Variants in EDIL3 observed in about 807,000 individuals in gnomAD.
The protein encoded by EDIL3 is EGF-like repeat and discoidin I-like domain-containing protein 3.
Under a neutral mutation model 67.4 loss-of-function variants are expected in EDIL3, and 37 were observed. The observed-to-expected ratio is 0.55, with a 90% CI of 0.42 to 0.72. The LOEUF is 0.72. Ranked by LOEUF, EDIL3 falls within the 30% of genes least tolerant of loss-of-function variation. The pLI is 0.00. For missense variants in EDIL3, 527 were observed against 586.3 expected (o/e 0.90, Z 1.04); for synonymous variants, 195 against 196.3 (o/e 0.99, Z 0.05).
chr5:83,945,484 C>T (rs1272585100), intron 10 of EDIL3, among the ~76,000 whole-genome samples: 1 of 151,878 alleles, frequency 6.6e-6, no homozygotes, highest in East Asian at 1.9e-4. Context: ...AGTTTAAATT[C>T]ATTAACTTTC....
rs1399877168 is a variant in EDIL3, at chr5:83,959,141, T to G, written c.1293+4064A>C. ...CTTCAGTTGACTTTTGGCATGTGTG[T>G]GTACACATGTATATTTATTACATAT... On this transcript the variant is annotated intron_variant, in intron 10 of 10. Transcript: ENST00000296591. 2.7e-5 allele frequency among the ~76,000 whole-genome samples: 4 copies of G among 150,228 alleles called. No homozygotes were observed. The South Asian group carries it at 8.3e-4, about 31-fold the overall frequency.
chr5:84,104,672 A>G (rs1349455791), intron 6 of EDIL3, among the ~76,000 whole-genome samples: 2 of 152,026 alleles, frequency 1.3e-5, no homozygotes, highest in Non-Finnish European at 2.9e-5. Context: ...AGTTTTAACT[A>G]TTGTTCTTAA....
At chr5:83,981,417 G>C (rs1268583914) in intron 9 of EDIL3, among the ~76,000 whole-genome samples, 5 of 151,980 alleles carry the variant, frequency 3.3e-5, no homozygotes, top group African/African-American at 1.2e-4. Flanking sequence ...CTCTGTGTAT[G>C]ATTACAATAT....
At chr5:84,007,625 A>G (rs1244659345) in intron 9 of EDIL3, among the ~76,000 whole-genome samples, 1 of 152,170 alleles carries the variant, frequency 6.6e-6, no homozygotes, top group Non-Finnish European at 1.5e-5. Context: ...GACCAGCAGT[A>G]GCAAATGCTG....
At chr5:84,108,502 C>G (rs533154345) in intron 5 of EDIL3, among the ~76,000 whole-genome samples, 1 of 152,060 alleles carries the variant, frequency 6.6e-6, no homozygotes, top group Admixed American at 6.6e-5. Flanking sequence ...AATTAAGAAG[C>G]CATTCATTAG....
At chr5:84,173,333 G>C (rs1008191330) in intron 4 of EDIL3, among the ~76,000 whole-genome samples, 9 of 152,096 alleles carry the variant, frequency 5.9e-5, no homozygotes, top group Non-Finnish European at 8.8e-5. Context: ...CTGAGCTCAT[G>C]GTGCAAGTGA....
rs1184652134 is a variant in EDIL3 at position 84,132,530 on chromosome 5, A to T, written c.469+4711T>A. Among the ~76,000 whole-genome samples, 51 of 108,458 alleles carry T rather than the reference A, an allele frequency of 4.7e-4. 1 individual carries two copies. In the East Asian group the frequency reaches 0.012, roughly 25 times the overall value. The allele number at this position is 108,458 out of a possible 152,430, so 71.2% of individuals were successfully genotyped here. ...TATAATATATATTTTAATATATATT[A>T]TATATTTTATATATAATATATATTT... On this transcript the variant is annotated intron_variant, in intron 5 of 10. Coordinates refer to ENST00000296591, the MANE Select transcript of EDIL3 (RefSeq NM_005711.5).
At chr5:84,083,290 G>A (rs1384039121) in intron 6 of EDIL3, among the ~76,000 whole-genome samples, 2 of 152,060 alleles carry the variant, frequency 1.3e-5, no homozygotes, top group East Asian at 3.9e-4. Context: ...GGATAACGGT[G>A]GTGCTATGAG....
At chr5:84,186,515 T>A (rs769857565) in intron 3 of EDIL3, among the ~76,000 whole-genome samples, 4 of 152,076 alleles carry the variant, frequency 2.6e-5, no homozygotes, top group Non-Finnish European at 5.9e-5. Flanking sequence ...TAAGGTAATT[T>A]CAATGGCTCT....
In EDIL3 at chr5:83,978,000, C is replaced by T. The variant is rs142927614; in HGVS notation, c.1138-14640G>A. Among the ~76,000 whole-genome samples, 580 of 151,806 alleles carry T rather than the reference C, an allele frequency of 3.8e-3. 1 individual carries two copies. The highest frequency in any genetic ancestry group is 6.8e-3 in the Middle Eastern group (2 of 294). On this transcript the variant is annotated intron_variant, in intron 9 of 10. Coordinates refer to ENST00000296591, the MANE Select transcript of EDIL3 (RefSeq NM_005711.5). ...TGTTCCAACAACCTCTTGTCTTAAA[C>T]GCTATACTGAAGACTTTATATAAAA...
chr5:84,349,126 C>T (rs1747300761), intron 1 of EDIL3, among the ~76,000 whole-genome samples: 1 of 152,108 alleles, frequency 6.6e-6, no homozygotes. Flanking sequence ...TTAACTTCTA[C>T]TGCCAAATTT....
intron 4 of EDIL3, among the ~76,000 whole-genome samples, chr5:84,171,524 G>C (rs1748811374): frequency 6.6e-6 from 1 of 152,174 alleles, no homozygotes; most frequent in African/African-American, 2.4e-5. Flanking sequence ...CAGATTTTAA[G>C]AGCAGTAAGC....
intron 1 of EDIL3, among the ~76,000 whole-genome samples, chr5:84,351,078 T>C (rs902247439): frequency 6.6e-6 from 1 of 152,118 alleles, no homozygotes; most frequent in Non-Finnish European, 1.5e-5. Flanking sequence ...AGCACAGCTC[T>C]AGTCCTTTTT....
intron 3 of EDIL3, among the ~76,000 whole-genome samples, chr5:84,210,984 T>TC (rs1580379024): frequency 1.3e-5 from 2 of 152,250 alleles, no homozygotes; most frequent in East Asian, 3.8e-4. Flanking sequence ...GTAGGTTGAA[T>TC]GGTGCTCCGC....
chr5:84,352,676 A>G (rs1383083626), intron 1 of EDIL3, among the ~76,000 whole-genome samples: 1 of 152,100 alleles, frequency 6.6e-6, no homozygotes, highest in Admixed American at 6.6e-5. Context: ...AAGAAATACC[A>G]TCTATTGGGA....
intron 4 of EDIL3, among the ~76,000 whole-genome samples, chr5:84,176,200 TA>T (rs1748904042): frequency 6.3e-4 from 3 of 4,742 alleles, no homozygotes; most frequent in African/African-American, 3.0e-3. Flanking sequence ...ATATATATAA[TA>T]TATATATATA....
intron 6 of EDIL3, among the ~76,000 whole-genome samples, chr5:84,080,286 G>C (rs1397761315): frequency 4.1e-5 from 2 of 48,880 alleles, no homozygotes; most frequent in Non-Finnish European, 8.2e-5. Flanking sequence ...GTGACAGAGC[G>C]AGACTCTGTC....
At chr5:84,148,574 T>C (rs1313160743) in intron 4 of EDIL3, among the ~76,000 whole-genome samples, 1 of 152,142 alleles carries the variant, frequency 6.6e-6, no homozygotes, top group Non-Finnish European at 1.5e-5. Flanking sequence ...AAAAGACTCC[T>C]TTTTTAAATT....
At position 83,943,278 on chromosome 5, in the gene EDIL3, G is replaced by A. The variant is rs758546678; in HGVS notation, c.*141C>T. The A allele has an allele frequency of 5.3e-5, 60 of 1,130,514 alleles. No homozygotes were observed. Among genetic ancestry groups the A allele is most frequent in the South Asian group, 4.4e-4 (29 of 65,486 alleles). The allele number at this position is 1,130,514 out of a possible 1,614,324, so 70.0% of individuals were successfully genotyped here. A position where few individuals can be genotyped will look rare whatever the true frequency, so the allele number is the denominator to read the frequency against. ...AGGCTTAGACCCCCTTAAAAACACC[G>A]TTAGTTGCCTACCATAATTTGAGCA... On this transcript the variant is annotated 3_prime_UTR_variant, in exon 11 of 11. Coordinates refer to ENST00000296591, the MANE Select transcript of EDIL3 (RefSeq NM_005711.5).
Sources: gnomAD v4.1 joint callset for allele counts (sites outside exome capture counted in the v4.1 genomes callset) on GRCh38, gnomAD v4.1.1 for gene constraint, MANE v1.5 for transcripts, NCBI Gene and HGNC (gene_info 2026-07-23, HGNC 2026-07-21) for gene names.